GOSR2: variants seen among roughly 807,000 people sequenced by gnomAD.
GOSR2 encodes 27 kDa Golgi SNARE protein.
A neutral mutation model predicts 27.9 loss-of-function variants in GOSR2; 20 were observed. That is an observed-to-expected ratio of 0.72 (90% CI 0.50 to 1.04). GOSR2 has a LOEUF of 1.04. Ranked by LOEUF, GOSR2 falls within the 50% of genes least tolerant of loss-of-function variation. The pLI is 0.00. For missense variants in GOSR2, 261 were observed against 270.5 expected, an observed-to-expected ratio of 0.97 and a Z score of 0.25; for synonymous variants, 91 against 98.8, an observed-to-expected ratio of 0.92 and a Z score of 0.47.
At chr17:46,958,656 C>T (rs562828140) in intron 6 of GOSR2, among the ~76,000 whole-genome samples, 1 of 152,360 alleles carries the variant, frequency 6.6e-6, no homozygotes, top group South Asian at 2.1e-4. Context: ...GCATCGCCCT[C>T]CCACCACTCC....
intron 4 of GOSR2, among the ~76,000 whole-genome samples, chr17:46,934,412 C>G (rs915078344): frequency 1.3e-5 from 2 of 152,138 alleles, no homozygotes; most frequent in Admixed American, 6.5e-5. Flanking sequence ...GTCCCAGCTA[C>G]TCAGAAGGCT....
intron 3 of GOSR2, 76 bp from the exon 4 acceptor site, chr17:46,931,991 C>G: frequency 7.6e-7 from 1 of 1,310,794 alleles, no homozygotes; most frequent in Non-Finnish European, 1.1e-6. Context: ...CGTCTTTCCT[C>G]AGTACAAAGC....
intron 6 of GOSR2, among the ~76,000 whole-genome samples, chr17:46,965,764 C>T (rs141737800): frequency 8.8e-4 from 133 of 151,994 alleles, no homozygotes; most frequent in African/African-American, 2.8e-3. Flanking sequence ...ATGGGACTAC[C>T]GGCACACAGC....
rs1454084789 is a variant in GOSR2 at position 46,939,535 on chromosome 17, G to A, written c.*775G>A. 1.0e-6 allele frequency: 1 copy of A among 985,506 alleles called. No individual in the cohort carries two copies. Among genetic ancestry groups the A allele is most frequent in the Non-Finnish European group, 1.2e-6 (1 of 830,078 alleles). The allele number at this position is 985,506 out of a possible 1,614,324, so 61.0% of individuals were successfully genotyped here. On this transcript the variant is annotated 3_prime_UTR_variant, in exon 6 of 6. Transcript: ENST00000640051. ...ACTGTGGCTTGGCACCTGCGCCCAG[G>A]CTTTGTGGGCCTTTGCCCCTTAGAA...
In GOSR2 at chr17:46,940,561, A is replaced by G. The variant is rs1330220539; in HGVS notation, c.*1801A>G. On this transcript the variant is annotated 3_prime_UTR_variant, in exon 6 of 6. Transcript: ENST00000640051. ...AGGCTGTCCTGTCCCCCAGGCACCCAAGGATCCTGCCAGACAGCACACTTT... is the reference window on the plus strand; with the variant it reads ...AGGCTGTCCTGTCCCCCAGGCACCCGAGGATCCTGCCAGACAGCACACTTT... The G allele has an allele frequency of 1.2e-6, 2 of 1,614,058 alleles. No individual in the cohort carries two copies. Among genetic ancestry groups the G allele is most frequent in the Non-Finnish European group, 1.7e-6 (2 of 1,180,034 alleles).
chr17:46,923,305 C>T, intron 1 of GOSR2, 84 bp downstream of exon 1: 2 of 1,546,844 alleles, frequency 1.3e-6, no homozygotes, highest in Non-Finnish European at 8.7e-7. Context: ...CCTCGGACGT[C>T]AGCCAGGGTA....
intron 2 of GOSR2, 165 bp from the exon 3 acceptor site, chr17:46,930,934 C>T: frequency 1.6e-6 from 1 of 628,736 alleles, no homozygotes; most frequent in Non-Finnish European, 2.9e-6. Context: ...ACATTTACGG[C>T]CTAACTTGAA....
intron 5 of GOSR2, chr17:46,936,087 A>T (rs1357093014): frequency 1.0e-6 from 1 of 985,702 alleles, no homozygotes; most frequent in Non-Finnish European, 1.2e-6. Flanking sequence ...GCTGCAAGTG[A>T]CACTCACCTC....
chr17:46,929,868 C>T, intron 2 of GOSR2: 2 of 374,944 alleles, frequency 5.3e-6, no homozygotes, highest in Non-Finnish European at 1.0e-5. Flanking sequence ...ATTACCTAGT[C>T]CTTAGAGGAA....
At chr17:46,929,269 G>T (rs997177652) in intron 1 of GOSR2, among the ~76,000 whole-genome samples, 1 of 152,164 alleles carries the variant, frequency 6.6e-6, no homozygotes, top group Non-Finnish European at 1.5e-5. Context: ...TCCTCATAGG[G>T]TTATTGATTT....
chr17:46,932,350 C>T, intron 4 of GOSR2, 151 bp downstream of exon 4: 4 of 833,406 alleles, frequency 4.8e-6, no homozygotes, highest in Non-Finnish European at 7.9e-6. Context: ...TGTGCATTGC[C>T]ACAGAGACTA....
chr17:46,929,497 T>C (rs767791289), intron 1 of GOSR2, 23 bp from the exon 2 acceptor site: 1 of 1,358,052 alleles, frequency 7.4e-7, no homozygotes, highest in Non-Finnish European at 1.1e-6. Flanking sequence ...GTCTCACTCA[T>C]TTCCTCCCTC....
At chr17:46,954,681 T>A (rs1309278294) in intron 6 of GOSR2, among the ~76,000 whole-genome samples, 1 of 152,228 alleles carries the variant, frequency 6.6e-6, no homozygotes, top group Non-Finnish European at 1.5e-5. Flanking sequence ...TTCCATTTGT[T>A]TGTGTCCTGT....
intron 5 of GOSR2, chr17:46,937,859 C>T (rs1404533368): frequency 1.3e-5 from 2 of 152,524 alleles, no homozygotes; most frequent in African/African-American, 2.4e-5. Flanking sequence ...CCATTGTTTT[C>T]AGTATGTATT....
At chr17:46,972,881 A>G (rs1159696762) in intron 6 of GOSR2, 1 of 153,212 alleles carries the variant, frequency 6.5e-6, no homozygotes, top group Non-Finnish European at 1.5e-5. Context: ...CAGCATTAGG[A>G]GAGCGACATA....
At chr17:46,952,756 C>G (rs957128007) in intron 6 of GOSR2, 1 of 152,172 alleles carries the variant, frequency 6.6e-6, no homozygotes, top group African/African-American at 2.4e-5. Flanking sequence ...AGTTAAGTCC[C>G]TGGATTGAGC....
chr17:46,933,515 G>T (rs952929926), intron 4 of GOSR2: 18 of 152,146 alleles, frequency 1.2e-4, no homozygotes, highest in African/African-American at 4.3e-4. Flanking sequence ...AGCACATGAT[G>T]AAATTAAAAG....
intron 6 of GOSR2, among the ~76,000 whole-genome samples, chr17:46,954,185 T>G (rs1219306607): frequency 6.6e-6 from 1 of 152,242 alleles, no homozygotes; most frequent in East Asian, 1.9e-4. Flanking sequence ...CATGTAAGTC[T>G]TTAATCCATC....
chr17:46,954,246 C>T (rs2147255297), intron 6 of GOSR2, among the ~76,000 whole-genome samples: 1 of 152,322 alleles, frequency 6.6e-6, no homozygotes, highest in Non-Finnish European at 1.5e-5. Flanking sequence ...TTTCAGCTTT[C>T]TACATATGGC....
Sources: gnomAD v4.1 joint callset for allele counts (sites outside exome capture counted in the v4.1 genomes callset) on GRCh38, gnomAD v4.1.1 for gene constraint, MANE v1.5 for transcripts, NCBI Gene and HGNC (gene_info 2026-07-23, HGNC 2026-07-21) for gene names.